Variants in GALNT17 observed in about 807,000 individuals in gnomAD.
GALNT17 encodes polypeptide N-acetylgalactosaminyltransferase 17, also known as UDP-GalNAc:polypeptide N-acetylgalactosaminyltransferase-like 3.
GALNT17 carries 29 observed loss-of-function variants against 63.7 expected under a neutral mutation model. The observed-to-expected ratio is 0.46, with a 90% CI of 0.34 to 0.62. The LOEUF (loss-of-function observed/expected upper bound fraction) is 0.62. GALNT17 is among the 20% of genes least tolerant of loss of function. The pLI, the probability that GALNT17 is intolerant of heterozygous loss-of-function variation, is 0.01. For missense variants in GALNT17, 603 were observed against 799.6 expected (o/e 0.75, Z 2.97); for synonymous variants, 305 against 318.3 (o/e 0.96, Z 0.45).
Position 71,670,575 on chromosome 7 carries a change from T to G in GALNT17, c.1404+466T>G, listed in dbSNP as rs552034130. Among the ~76,000 whole-genome samples, 12 of 152,296 alleles carry G rather than the reference T, an allele frequency of 7.9e-5. No homozygotes were observed. The East Asian group carries it at 2.3e-3, about 29-fold the overall frequency. ...AAACCTGAAAGCAAAGCGATTTTTCTCTTATTACAAATACCATCAATATGC... is the reference window on the plus strand; with the variant it reads ...AAACCTGAAAGCAAAGCGATTTTTCGCTTATTACAAATACCATCAATATGC... On this transcript the variant is annotated intron_variant, in intron 8 of 10. Coordinates refer to ENST00000333538, the MANE Select transcript of GALNT17 (RefSeq NM_022479.3).
chr7:71,234,493 A>AGCTCAGGTGATCAGCCCACTTC (rs1312771969), intron 1 of GALNT17, among the ~76,000 whole-genome samples: 5 of 152,050 alleles, frequency 3.3e-5, no homozygotes, highest in Admixed American at 6.6e-5. Flanking sequence ...TGAACTGCTG[A>AGCTCAGGTGATCAGCCCACTTC]GCTCAGGTGA....
chr7:71,554,297 T>G (rs1050081658), intron 5 of GALNT17, among the ~76,000 whole-genome samples: 1 of 152,192 alleles, frequency 6.6e-6, no homozygotes, highest in Non-Finnish European at 1.5e-5. Context: ...TCGTGAGATC[T>G]GATGGGTTTA....
At chr7:71,454,708 G>T (rs1787324424) in intron 5 of GALNT17, among the ~76,000 whole-genome samples, 1 of 152,096 alleles carries the variant, frequency 6.6e-6, no homozygotes, top group Admixed American at 6.6e-5. Flanking sequence ...GAACAATTCA[G>T]CTTTATGCCT....
intron 1 of GALNT17, among the ~76,000 whole-genome samples, chr7:71,281,614 T>A (rs750557682): frequency 2.6e-5 from 4 of 152,218 alleles, no homozygotes; most frequent in Non-Finnish European, 5.9e-5. Flanking sequence ...TATTATTTGT[T>A]ATCTCTGACA....
At chr7:71,270,520 G>C (rs548993970) in intron 1 of GALNT17, among the ~76,000 whole-genome samples, 1 of 121,442 alleles carries the variant, frequency 8.2e-6, no homozygotes, top group South Asian at 2.6e-4. Context: ...GCGAGACTAC[G>C]TACCCTCCCC....
intron 7 of GALNT17, among the ~76,000 whole-genome samples, chr7:71,669,741 T>G (rs907194473): frequency 2.0e-5 from 3 of 151,892 alleles, no homozygotes; most frequent in Non-Finnish European, 2.9e-5. Flanking sequence ...TTTTGTATTT[T>G]TAGTAGAGAC....
intron 5 of GALNT17, among the ~76,000 whole-genome samples, chr7:71,464,115 A>G (rs1294236440): frequency 1.3e-5 from 2 of 152,050 alleles, no homozygotes; most frequent in Admixed American, 6.5e-5. Flanking sequence ...TTTCAACCCT[A>G]TTGGGATGGT....
At chr7:71,502,994 C>T (rs184153063) in intron 5 of GALNT17, among the ~76,000 whole-genome samples, 7 of 152,244 alleles carry the variant, frequency 4.6e-5, no homozygotes, top group Admixed American at 3.9e-4. Context: ...TAGCCCCCTG[C>T]ACTGTTGATC....
intron 5 of GALNT17, among the ~76,000 whole-genome samples, chr7:71,512,534 G>A (rs532090488): frequency 1.6e-4 from 25 of 152,118 alleles, no homozygotes; most frequent in Non-Finnish European, 3.2e-4. Context: ...AGTCAGCTTG[G>A]GCCATGAGCA....
chr7:71,265,709 A>G (rs1000670978), intron 1 of GALNT17, among the ~76,000 whole-genome samples: 2 of 152,174 alleles, frequency 1.3e-5, no homozygotes, highest in Non-Finnish European at 2.9e-5. Flanking sequence ...ATTTAAGGAG[A>G]TAAGTGTGGC....
intron 2 of GALNT17, among the ~76,000 whole-genome samples, chr7:71,356,852 A>G (rs1792296615): frequency 6.6e-6 from 1 of 152,144 alleles, no homozygotes. Flanking sequence ...CACCATCTTG[A>G]GTCACTGCAA....
At chr7:71,389,790 G>C (rs1793016585) in intron 3 of GALNT17, among the ~76,000 whole-genome samples, 1 of 152,048 alleles carries the variant, frequency 6.6e-6, no homozygotes, top group East Asian at 1.9e-4. Context: ...TTCTCCTCTG[G>C]GCCACTGTGC....
In GALNT17 at chr7:71,428,368, T is replaced by C. The variant is rs147172812; in HGVS notation, c.962+7263T>C. ...CAGAATGTGGCTTTTTGTTTCTGGC[T>C]TCTTTTATTAGCATACAGTTTATGA... On this transcript the variant is annotated intron_variant, in intron 5 of 10. Coordinates refer to ENST00000333538, the MANE Select transcript of GALNT17 (RefSeq NM_022479.3). 6.8e-3 allele frequency among the ~76,000 whole-genome samples: 1,043 copies of C among 152,270 alleles called. 12 individuals carry two copies. The highest frequency in any genetic ancestry group is 0.01 in the Admixed American group (156 of 15,288).
chr7:71,531,796 A>T (rs1788725351), intron 5 of GALNT17, among the ~76,000 whole-genome samples: 1 of 152,210 alleles, frequency 6.6e-6, no homozygotes, highest in Admixed American at 6.5e-5. Context: ...GGGTCCGGTC[A>T]GGAAGACAGA....
chr7:71,375,402 A>G (rs1290531803), intron 2 of GALNT17, among the ~76,000 whole-genome samples: 1 of 151,966 alleles, frequency 6.6e-6, no homozygotes, highest in Non-Finnish European at 1.5e-5. Flanking sequence ...AGGGTGAGAC[A>G]TTGAGTGAGA....
chr7:71,352,637 A>G (rs561781382), intron 2 of GALNT17, among the ~76,000 whole-genome samples: 3 of 152,176 alleles, frequency 2.0e-5, no homozygotes, highest in Non-Finnish European at 4.4e-5. Context: ...GGGTTGGGAG[A>G]TAGACCTTTG....
chr7:71,208,858 AC>A (rs1789322933), intron 1 of GALNT17, among the ~76,000 whole-genome samples: 1 of 152,170 alleles, frequency 6.6e-6, no homozygotes, highest in African/African-American at 2.4e-5. Flanking sequence ...TGGAATCTCC[AC>A]TTACAACATT....
intron 1 of GALNT17, among the ~76,000 whole-genome samples, chr7:71,160,540 ACT>A (rs1364134856): frequency 6.6e-6 from 1 of 151,904 alleles, no homozygotes; most frequent in East Asian, 1.9e-4. Flanking sequence ...CTCACAGCAA[ACT>A]CTGCCTCCTG....
intron 9 of GALNT17, among the ~76,000 whole-genome samples, chr7:71,709,592 T>C (rs894016137): frequency 1.3e-5 from 2 of 149,916 alleles, no homozygotes; most frequent in African/African-American, 4.9e-5. Flanking sequence ...TTTTTTTTGT[T>C]TTTTTGGTTT....
Sources: gnomAD v4.1 joint callset for allele counts (sites outside exome capture counted in the v4.1 genomes callset) on GRCh38, gnomAD v4.1.1 for gene constraint, MANE v1.5 for transcripts, NCBI Gene and HGNC (gene_info 2026-07-23, HGNC 2026-07-21) for gene names.